Variants in ANO3 observed in about 807,000 individuals in gnomAD.
The protein encoded by ANO3 is anoctamin 3, also known as anoctamin-3.
A neutral mutation model predicts 144.8 loss-of-function variants in ANO3; 99 were observed. The observed-to-expected ratio is 0.68, with a 90% CI of 0.58 to 0.81. The LOEUF (loss-of-function observed/expected upper bound fraction) is 0.81. Ranked by LOEUF, ANO3 falls within the 30% of genes least tolerant of loss-of-function variation. ANO3 has a pLI of 0.00. For missense variants in ANO3, 905 were observed against 1,202.2 expected (o/e 0.75, Z 3.66); for synonymous variants, 414 against 392.6 (o/e 1.05, Z -0.64).
chr11:26,598,919 C>G lies in ANO3; in HGVS notation c.1592C>G (p.Thr531Arg). Residue 531 changes from threonine to arginine, a missense_variant, in exon 16 of 27, where the codon ACG becomes AGG. Transcript: ENST00000256737. ...YYKMEIVNPI[T>R]GKPEPHQPSS... Reference sequence around the variant, plus strand: ...AAGATGGAGATTGTAAATCCCATCACGGGAAAACCTGAACCACATCAGCCT... The same window carrying G: ...AAGATGGAGATTGTAAATCCCATCAGGGGAAAACCTGAACCACATCAGCCT... The G allele has an allele frequency of 6.2e-7, 1 of 1,613,810 alleles. No individual in the cohort carries two copies. Among genetic ancestry groups the G allele is most frequent in the African/African-American group, 1.3e-5 (1 of 75,034 alleles).
At chr11:26,191,580 C>T (rs1454724389) in intron 1 of ANO3, among the ~76,000 whole-genome samples, 1 of 152,168 alleles carries the variant, frequency 6.6e-6, no homozygotes, top group Non-Finnish European at 1.5e-5. Context: ...TTCTGTATAA[C>T]CTGTGTTATA....
At chr11:26,564,207 A>G (rs1850423382) in intron 14 of ANO3, among the ~76,000 whole-genome samples, 1 of 151,730 alleles carries the variant, frequency 6.6e-6, no homozygotes, top group Non-Finnish European at 1.5e-5. Flanking sequence ...GAGAGGAAGC[A>G]TTTTTAAAAA....
chr11:26,448,311 A>AT (rs1357450156), intron 3 of ANO3, among the ~76,000 whole-genome samples: 1 of 151,736 alleles, frequency 6.6e-6, no homozygotes, highest in Non-Finnish European at 1.5e-5. Flanking sequence ...AAAAAAAAAA[A>AT]AAAAGAAAGA....
At chr11:26,341,809 C>G (rs2133900929) in intron 1 of ANO3, among the ~76,000 whole-genome samples, 1 of 152,242 alleles carries the variant, frequency 6.6e-6, no homozygotes, top group East Asian at 1.9e-4. Context: ...GGTGTAAGTC[C>G]AAGAGTCCAA....
At chr11:26,215,829 C>G (rs954062748) in intron 1 of ANO3, among the ~76,000 whole-genome samples, 1 of 151,942 alleles carries the variant, frequency 6.6e-6, no homozygotes, top group Non-Finnish European at 1.5e-5. Flanking sequence ...ACAGCCTCCT[C>G]CCGTTTTTCT....
chr11:26,421,121 T>A (rs1423855193), intron 1 of ANO3, among the ~76,000 whole-genome samples: 1 of 151,984 alleles, frequency 6.6e-6, no homozygotes, highest in East Asian at 1.9e-4. Flanking sequence ...CTTAAGATAA[T>A]AATTTTTTTC....
intron 7 of ANO3, among the ~76,000 whole-genome samples, chr11:26,529,282 ATATAATATAT>A (rs1849280586): frequency 0.016 from 5 of 314 alleles, 2 homozygotes; most frequent in Non-Finnish European, 0.088. Context: ...ATTATATAAT[ATATAATATAT>A]ATTATATAAT....
At chr11:26,400,679 GAACAAAACTTGCACATTAC>G (rs1353522866) in intron 1 of ANO3, among the ~76,000 whole-genome samples, 3 of 151,248 alleles carry the variant, frequency 2.0e-5, no homozygotes, top group Admixed American at 1.3e-4. Context: ...AAGATAAAGT[GAACAAAACTTGCACATTAC>G]AACATATGCA....
intron 1 of ANO3, among the ~76,000 whole-genome samples, chr11:26,378,293 A>T (rs1018168534): frequency 1.3e-5 from 2 of 149,782 alleles, no homozygotes; most frequent in African/African-American, 4.9e-5. Context: ...TTAGACTCTC[A>T]TGAGGTATAC....
chr11:26,555,458 A>G (rs895757312), intron 13 of ANO3, among the ~76,000 whole-genome samples: 20 of 152,316 alleles, frequency 1.3e-4, no homozygotes, highest in African/African-American at 4.6e-4. Flanking sequence ...CGTCCAAGGA[A>G]ACACTACATC....
chr11:26,414,967 C>T (rs1857537938), intron 1 of ANO3, among the ~76,000 whole-genome samples: 1 of 151,926 alleles, frequency 6.6e-6, no homozygotes, highest in Non-Finnish European at 1.5e-5. Context: ...CCACTCACCT[C>T]TCTCCCTACC....
chr11:26,365,977 TATATATATATATATA>T lies in ANO3; in HGVS notation c.46+33657_46+33671del, dbSNP rs1400412851. Among the ~76,000 whole-genome samples, 302 of 73,314 alleles carry T rather than the reference TATATATATATATATA, an allele frequency of 4.1e-3. 3 individuals are homozygous for T. The highest frequency in any genetic ancestry group is 5.7e-3 in the Admixed American group (51 of 8,944). The allele number at this position is 73,314 out of a possible 152,430, so 48.1% of individuals were successfully genotyped here. A position where few individuals can be genotyped will look rare whatever the true frequency, so the allele number is the denominator to read the frequency against. The stretch of plus-strand genomic sequence containing the variant: ...CTTTATATATATATATATATATATA[TATATATATATATATA>T]TATATATATATTTTAATTATACTTT... On this transcript the variant is annotated intron_variant, in intron 1 of 26. Transcript: ENST00000256737.
intron 14 of ANO3, chr11:26,562,901 A>G: frequency 3.7e-6 from 2 of 540,838 alleles, no homozygotes; most frequent in South Asian, 5.7e-5. Flanking sequence ...TGATGCAGTG[A>G]GCAACAGTTC....
intron 1 of ANO3, among the ~76,000 whole-genome samples, chr11:26,366,168 C>T (rs558291636): frequency 1.0e-3 from 153 of 151,920 alleles, no homozygotes; most frequent in African/African-American, 3.6e-3. Context: ...CAACAGGCTC[C>T]GGTGTGTGAT....
chr11:26,376,062 G>T (rs1474883851), intron 1 of ANO3, among the ~76,000 whole-genome samples: 1 of 152,074 alleles, frequency 6.6e-6, no homozygotes, highest in African/African-American at 2.4e-5. Flanking sequence ...CAGTCTAGAA[G>T]AAAAGGCATT....
Position 26,462,976 on chromosome 11 carries a change from GA to G in ANO3, c.314-48del, listed in dbSNP as rs1045046675. 6 of 941,804 alleles carry G rather than the reference GA, an allele frequency of 6.4e-6. No individual in the cohort carries two copies. The Admixed American group carries it at 1.1e-4, about 17-fold the overall frequency. The allele number at this position is 941,804 out of a possible 1,614,324, so 58.3% of individuals were successfully genotyped here. A position where few individuals can be genotyped will look rare whatever the true frequency, so the allele number is the denominator to read the frequency against. ...AAGAGGAGAGATTAGTATGTTTAAT[GA>G]AAAAAGAGAAAAACTATAGAAATGG... is the stretch of plus-strand genomic sequence containing the variant. On this transcript the variant is annotated intron_variant, in intron 3 of 26. Transcript: ENST00000256737.
At chr11:26,366,973 C>A (rs1197135063) in intron 1 of ANO3, among the ~76,000 whole-genome samples, 1 of 152,140 alleles carries the variant, frequency 6.6e-6, no homozygotes, top group Non-Finnish European at 1.5e-5. Context: ...ACTATCTGAT[C>A]TTTGACAAAC....
At chr11:26,419,287 T>A (rs1350100079) in intron 1 of ANO3, among the ~76,000 whole-genome samples, 1 of 152,120 alleles carries the variant, frequency 6.6e-6, no homozygotes, top group Non-Finnish European at 1.5e-5. Context: ...TAATAACCTC[T>A]CATCAGGTGG....
intron 1 of ANO3, among the ~76,000 whole-genome samples, chr11:26,217,325 TC>T (rs35888563): frequency 0.011 from 1,664 of 152,016 alleles, 24 homozygotes; most frequent in African/African-American, 0.038. Flanking sequence ...TTTAAAATCA[TC>T]CCCCCCATCT....
Sources: gnomAD v4.1 joint callset for allele counts (sites outside exome capture counted in the v4.1 genomes callset) on GRCh38, gnomAD v4.1.1 for gene constraint, MANE v1.5 for transcripts, NCBI Gene and HGNC (gene_info 2026-07-23, HGNC 2026-07-21) for gene names.